MLLT10: variants seen among roughly 807,000 people sequenced by gnomAD.
The protein encoded by MLLT10 is MLLT10 histone lysine methyltransferase DOT1L cofactor.
In MLLT10, 30 loss-of-function variants were observed where a neutral mutation model predicts 129.1. The ratio of observed to expected loss-of-function variants is 0.23; its 90% CI spans 0.17 to 0.32. The LOEUF is 0.32. MLLT10 is among the 10% of genes least tolerant of loss of function. MLLT10 has a pLI of 1.00. For missense variants in MLLT10, 1,119 were observed against 1,268.3 expected, an observed-to-expected ratio of 0.88 and a Z score of 1.79; for synonymous variants, 490 against 446.4, an observed-to-expected ratio of 1.10 and a Z score of -1.23.
chr10:21,604,114 C>A (rs541289413), intron 5 of MLLT10, among the ~76,000 whole-genome samples: 5 of 152,110 alleles, frequency 3.3e-5, no homozygotes, highest in Non-Finnish European at 7.4e-5. Flanking sequence ...AATTTATGTT[C>A]TTTCCACATA....
Position 21,670,655 on chromosome 10 carries a change from T to G in MLLT10, c.1002T>G (p.Gly334=). The G allele has an allele frequency of 6.2e-7, 1 of 1,614,162 alleles. No homozygotes were observed. Among genetic ancestry groups the G allele is most frequent in the Non-Finnish European group, 8.5e-7 (1 of 1,180,012 alleles). ...SSGQRGRKPG[G]GRNPGTTVSA... The stretch of plus-strand genomic sequence containing the variant: ...GTCAAAGGGGAAGAAAGCCTGGTGG[T>G]GGAAGAAATCCAGGAACAACTGTGT... The change falls in exon 10 of 23, where the codon GGT becomes GGG. Residue 334 remains glycine (G), a synonymous_variant. Coordinates refer to ENST00000307729, the MANE Select transcript of MLLT10 (RefSeq NM_001195626.3).
intron 13 of MLLT10, among the ~76,000 whole-genome samples, chr10:21,700,835 G>C: frequency 6.6e-6 from 1 of 152,020 alleles, no homozygotes; most frequent in African/African-American, 2.4e-5. Context: ...TGACTGGTCA[G>C]GGCCTTGTAG....
chr10:21,655,720 ATG>A (rs943814504), intron 9 of MLLT10, among the ~76,000 whole-genome samples: 2 of 152,164 alleles, frequency 1.3e-5, no homozygotes, highest in African/African-American at 4.8e-5. Context: ...ACATTGAGGA[ATG>A]AGGAAACCTA....
At chr10:21,578,875 A>AT (rs2041074315) in intron 3 of MLLT10, among the ~76,000 whole-genome samples, 1 of 152,220 alleles carries the variant, frequency 6.6e-6, no homozygotes, top group Non-Finnish European at 1.5e-5. Flanking sequence ...AAACAACAAT[A>AT]TAATTTTGGC....
intron 8 of MLLT10, among the ~76,000 whole-genome samples, chr10:21,650,655 A>G (rs1488007502): frequency 1.3e-5 from 2 of 152,176 alleles, no homozygotes; most frequent in East Asian, 1.9e-4. Flanking sequence ...CTCTTTAAAT[A>G]GTAAATTTCA....
intron 3 of MLLT10, among the ~76,000 whole-genome samples, chr10:21,545,411 A>G (rs552983249): frequency 3.3e-4 from 50 of 152,130 alleles, no homozygotes; most frequent in Non-Finnish European, 5.3e-4. Context: ...TACTGCCAGG[A>G]ACGCTGAAGG....
intron 7 of MLLT10, 56 bp from the exon 8 acceptor site, chr10:21,617,056 T>G: frequency 5.1e-6 from 4 of 787,510 alleles, no homozygotes; most frequent in Middle Eastern, 4.3e-4. Flanking sequence ...ACAAAAAGAT[T>G]TGTTTAAAAA....
chr10:21,686,943 A>C (rs2053359804), intron 13 of MLLT10, among the ~76,000 whole-genome samples: 1 of 152,184 alleles, frequency 6.6e-6, no homozygotes, highest in Non-Finnish European at 1.5e-5. Flanking sequence ...AGATCGCGCC[A>C]CTGCATTCCA....
intron 13 of MLLT10, among the ~76,000 whole-genome samples, chr10:21,708,954 T>C (rs960371546): frequency 1.3e-5 from 2 of 152,216 alleles, no homozygotes; most frequent in Admixed American, 6.5e-5. Flanking sequence ...TATATGGATA[T>C]TCTCAAAATC....
intron 3 of MLLT10, among the ~76,000 whole-genome samples, chr10:21,562,443 T>C (rs1234351977): frequency 6.6e-6 from 1 of 151,760 alleles, no homozygotes; most frequent in Non-Finnish European, 1.5e-5. Flanking sequence ...GTTCAAGCAA[T>C]TCTCATGTCT....
intron 9 of MLLT10, among the ~76,000 whole-genome samples, chr10:21,652,827 C>T (rs2049177124): frequency 6.6e-6 from 1 of 152,098 alleles, no homozygotes; most frequent in East Asian, 1.9e-4. Context: ...GGTATGCAAT[C>T]GTCCAGAGAG....
rs547377671 is a variant in MLLT10 at position 21,664,600 on chromosome 10, A to G, written c.796-5849A>G. 3.3e-5 allele frequency among the ~76,000 whole-genome samples: 5 copies of G among 152,112 alleles called. No homozygotes were observed. In the South Asian group the frequency reaches 1.0e-3, roughly 32 times the overall value. ...GTGCCCGGCTCTATGTGTTTTTTATAACAATGAATGTGTATTCATTTGTAG... is the reference window on the plus strand; with the variant it reads ...GTGCCCGGCTCTATGTGTTTTTTATGACAATGAATGTGTATTCATTTGTAG... On this transcript the variant is annotated intron_variant, in intron 9 of 22. Coordinates refer to ENST00000307729, the MANE Select transcript of MLLT10 (RefSeq NM_001195626.3).
intron 3 of MLLT10, among the ~76,000 whole-genome samples, chr10:21,577,784 T>C (rs1345656429): frequency 6.6e-6 from 1 of 152,116 alleles, no homozygotes; most frequent in Non-Finnish European, 1.5e-5. Context: ...ATGAAGGTTT[T>C]AATTTCTCCA....
chr10:21,587,409 G>T (rs1043610363), intron 4 of MLLT10, among the ~76,000 whole-genome samples: 27 of 137,064 alleles, frequency 2.0e-4, no homozygotes, highest in African/African-American at 7.0e-4. Context: ...ATGGGTGAGA[G>T]TGAGACCCTG....
intron 8 of MLLT10, among the ~76,000 whole-genome samples, chr10:21,632,973 T>A (rs1393767671): frequency 1.3e-5 from 2 of 152,216 alleles, no homozygotes; most frequent in Non-Finnish European, 2.9e-5. Flanking sequence ...AAACATGGCA[T>A]GTCAAAGAAC....
intron 4 of MLLT10, among the ~76,000 whole-genome samples, chr10:21,590,585 C>T (rs534372760): frequency 5.1e-4 from 77 of 152,228 alleles, no homozygotes; most frequent in African/African-American, 1.7e-3. Context: ...GTGATCCACC[C>T]GCCTTGGCCT....
At chr10:21,718,033 TGGAGTTTC>T (rs1257041292) in intron 14 of MLLT10, among the ~76,000 whole-genome samples, 1 of 152,024 alleles carries the variant, frequency 6.6e-6, no homozygotes, top group East Asian at 1.9e-4. Context: ...TTGATAGAGA[TGGAGTTTC>T]ACCATGTTGG....
chr10:21,658,018 A>G (rs887461016), intron 9 of MLLT10, among the ~76,000 whole-genome samples: 1 of 152,170 alleles, frequency 6.6e-6, no homozygotes, highest in Non-Finnish European at 1.5e-5. Context: ...TATTTTTACA[A>G]CACAATACAA....
chr10:21,724,797 C>A (rs914151092), intron 14 of MLLT10, among the ~76,000 whole-genome samples: 1 of 152,168 alleles, frequency 6.6e-6, no homozygotes, highest in Non-Finnish European at 1.5e-5. Flanking sequence ...CAGTGGATTA[C>A]GCAATACTTT....
Sources: gnomAD v4.1 joint callset for allele counts (sites outside exome capture counted in the v4.1 genomes callset) on GRCh38, gnomAD v4.1.1 for gene constraint, MANE v1.5 for transcripts, NCBI Gene and HGNC (gene_info 2026-07-23, HGNC 2026-07-21) for gene names.